ZNF232: variants seen among roughly 807,000 people sequenced by gnomAD.
ZNF232 encodes zinc finger protein 232, also known as zinc finger and SCAN domain-containing protein 11.
ZNF232 carries 25 observed loss-of-function variants against 25.2 expected under a neutral mutation model. The observed-to-expected ratio is 0.99, with a 90% CI of 0.72 to 1.39. ZNF232 has a LOEUF of 1.39. Ranked by LOEUF, ZNF232 falls within the 40% of genes most tolerant of loss-of-function variation. ZNF232 has a pLI of 0.00. For missense variants in ZNF232, 519 were observed against 520.9 expected, an observed-to-expected ratio of 1.00 and a Z score of 0.04; for synonymous variants, 193 against 182.9, an observed-to-expected ratio of 1.06 and a Z score of -0.45.
chr17:5,121,323 GC>G (rs2072658282), intron 1 of ZNF232: 1 of 343,782 alleles, frequency 2.9e-6, no homozygotes, highest in East Asian at 7.6e-5. Flanking sequence ...CCTTTCCTGT[GC>G]CCCACTTCTG....
In ZNF232 at chr17:5,120,852, C is replaced by G. The variant is rs528740712; in HGVS notation, c.-530+2125G>C. 3 of 454,362 alleles carry G rather than the reference C, an allele frequency of 6.6e-6. No homozygotes were observed. In the Admixed American group the frequency reaches 7.0e-5, roughly 11 times the overall value. The allele number at this position is 454,362 out of a possible 1,614,324, so 28.1% of individuals were successfully genotyped here. A position where few individuals can be genotyped will look rare whatever the true frequency, so the allele number is the denominator to read the frequency against. On this transcript the variant is annotated intron_variant, in intron 1 of 4. Transcript: ENST00000250076. ...GCACATGTGCTGCATGCTGGTGCAG[C>G]TGGAACGCTGGCAGATCCACAGGCT...
chr17:5,120,450 T>A (rs2072628424), intron 1 of ZNF232, among the ~76,000 whole-genome samples: 1 of 152,150 alleles, frequency 6.6e-6, no homozygotes, highest in Non-Finnish European at 1.5e-5. Flanking sequence ...TAGCCCTGTA[T>A]GTTTGAGTAA....
At chr17:5,109,570 G>A (rs1567757521) in exon 2 of ZNF232, 1 of 1,614,208 alleles carries the variant, frequency 6.2e-7, no homozygotes, top group Non-Finnish European at 8.5e-7. Flanking sequence ...TCTGGCCTCA[G>A]CCACTCACAG....
At chr17:5,107,304 C>T (rs1418310752) in intron 3 of ZNF232, among the ~76,000 whole-genome samples, 3 of 137,628 alleles carry the variant, frequency 2.2e-5, no homozygotes, top group East Asian at 2.4e-4. Flanking sequence ...AGGAGAATGG[C>T]GTGAACCCGG....
rs551538668 is a variant in ZNF232 at position 5,119,998 on chromosome 17, C to T, written c.-530+2979G>A. ...TCTAGGTCCCAGGAACTCCAAGGCT[C>T]AACCCAAGGATAGAGATCCAAGGTC... On this transcript the variant is annotated intron_variant, in intron 1 of 4. Coordinates refer to the ZNF232 transcript ENST00000250076. 2.6e-5 allele frequency among the ~76,000 whole-genome samples: 4 copies of T among 152,246 alleles called. No homozygotes were observed. In the East Asian group the frequency reaches 7.7e-4, roughly 29 times the overall value.
chr17:5,121,275 A>T (rs2072656782), intron 1 of ZNF232: 1 of 362,602 alleles, frequency 2.8e-6, no homozygotes, highest in African/African-American at 2.1e-5. Flanking sequence ...TTGGGGCCCC[A>T]TAGAGGCCAG....
At chr17:5,115,656 C>T (rs1054117497), upstream of ZNF232, among the ~76,000 whole-genome samples, 1 of 152,094 alleles carries the variant, frequency 6.6e-6, no homozygotes, top group Non-Finnish European at 1.5e-5. Context: ...AAGAAGCCAC[C>T]ACCCTGATAC....
upstream of ZNF232, chr17:5,112,078 C>T: frequency 3.5e-6 from 2 of 572,978 alleles, no homozygotes; most frequent in Admixed American, 3.3e-5. Flanking sequence ...CTGGAGGCCC[C>T]TGGGAATTGC....
upstream of ZNF232, chr17:5,112,158 G>T: frequency 2.3e-6 from 1 of 432,668 alleles, no homozygotes. Flanking sequence ...GGTCTCTTGT[G>T]GAATTGTACC....
exon 4 of ZNF232, chr17:5,105,849 T>C (rs1256680027): frequency 2.5e-6 from 4 of 1,602,400 alleles, no homozygotes; most frequent in African/African-American, 2.7e-5. Flanking sequence ...TTTTCTGGCA[T>C]GAACTCTCCG....
At chr17:5,113,123 A>G (rs2143642395), upstream of ZNF232, among the ~76,000 whole-genome samples, 1 of 152,324 alleles carries the variant, frequency 6.6e-6, no homozygotes, top group South Asian at 2.1e-4. Context: ...AGATTCTCAG[A>G]TTATTAAATT....
upstream of ZNF232, chr17:5,116,516 C>G (rs569526369): frequency 6.6e-6 from 1 of 152,330 alleles, no homozygotes; most frequent in Non-Finnish European, 1.5e-5. Flanking sequence ...CAGTGCCTGT[C>G]CGGGAAGAGC....
exon 2 of ZNF232, chr17:5,109,408 C>T (rs765079801): frequency 6.2e-7 from 1 of 1,614,034 alleles, no homozygotes; most frequent in South Asian, 1.1e-5. Flanking sequence ...GGCTCTGGTT[C>T]AAGTCCTTTC....
chr17:5,109,385 C>G lies in ZNF232; in HGVS notation c.498+9G>C. ...TGGCTCCCATAACAGACCAAATCCC[C>G]CTTCCCACCTGCGGCTCTGGTTCAA... On this transcript the variant is annotated intron_variant, in intron 2 of 3. Coordinates refer to ENST00000575898, the Ensembl canonical transcript of ZNF232. 5.0e-6 allele frequency: 8 copies of G among 1,614,138 alleles called. No homozygotes were observed. The highest frequency in any genetic ancestry group is 6.8e-6 in the Non-Finnish European group (8 of 1,180,024).
upstream of ZNF232, chr17:5,112,020 G>C (rs990503191): frequency 2.6e-6 from 2 of 773,538 alleles, no homozygotes; most frequent in East Asian, 2.8e-5. Context: ...TGAGCGGAGC[G>C]AGAAAGAGCG....
At chr17:5,111,976 A>G, upstream of ZNF232, 4 of 1,114,672 alleles carry the variant, frequency 3.6e-6, no homozygotes, top group Non-Finnish European at 5.0e-6. Flanking sequence ...GGCGCTGCCG[A>G]GAGGCTGGGA....
At chr17:5,112,553 G>A (rs1567760234), upstream of ZNF232, among the ~76,000 whole-genome samples, 2 of 151,416 alleles carry the variant, frequency 1.3e-5, no homozygotes, top group Non-Finnish European at 2.9e-5. Context: ...CCGGGTTCAC[G>A]CCATTCTCCT....
upstream of ZNF232, among the ~76,000 whole-genome samples, chr17:5,115,466 GCTTT>G (rs2072508968): frequency 6.6e-6 from 1 of 151,946 alleles, no homozygotes; most frequent in Non-Finnish European, 1.5e-5. Flanking sequence ...CGGGACAACA[GCTTT>G]AACCCGGGAG....
upstream of ZNF232, among the ~76,000 whole-genome samples, chr17:5,115,837 C>G (rs567604396): frequency 6.6e-5 from 10 of 152,296 alleles, no homozygotes; most frequent in East Asian, 1.9e-3. Context: ...CTCCCGGGGA[C>G]ACAGCCCGGG....
Sources: gnomAD v4.1 joint callset for allele counts (sites outside exome capture counted in the v4.1 genomes callset) on GRCh38, gnomAD v4.1.1 for gene constraint, MANE v1.5 for transcripts, NCBI Gene and HGNC (gene_info 2026-07-23, HGNC 2026-07-21) for gene names.